Variants in AFF3 observed in about 807,000 individuals in gnomAD.
AFF3 encodes the protein AF4/FMR2 family member 3.
Under a neutral mutation model 129.7 loss-of-function variants are expected in AFF3, and 32 were observed. That is an observed-to-expected ratio of 0.25 (90% CI 0.19 to 0.33). AFF3 has a LOEUF of 0.33. AFF3 is among the 10% of genes least tolerant of loss of function. AFF3 has a pLI of 1.00. For synonymous variants in AFF3, 644 were observed against 635.4 expected (o/e 1.01, Z -0.20); for missense variants, 1,373 against 1,592.0 (o/e 0.86, Z 2.34).
chr2:99,702,671 C>A (rs958536326), intron 11 of AFF3, among the ~76,000 whole-genome samples: 4 of 152,190 alleles, frequency 2.6e-5, no homozygotes, highest in South Asian at 2.1e-4. Flanking sequence ...TAATGAAGTT[C>A]AGTATCTTTT....
chr2:100,096,465 TG>T (rs1345654187), intron 4 of AFF3, among the ~76,000 whole-genome samples: 1 of 152,014 alleles, frequency 6.6e-6, no homozygotes, highest in African/African-American at 2.4e-5. Context: ...TCAAGCTTTA[TG>T]GAACTGTACT....
chr2:99,611,357 T>C (rs1453782508), intron 13 of AFF3, among the ~76,000 whole-genome samples: 3 of 152,198 alleles, frequency 2.0e-5, no homozygotes, highest in Non-Finnish European at 4.4e-5. Context: ...GTTCTTGGTA[T>C]GATGAGTGAT....
chr2:99,569,096 C>A (rs1054215932), intron 18 of AFF3, among the ~76,000 whole-genome samples, 181 bp from the exon 19 acceptor site: 1 of 152,182 alleles, frequency 6.6e-6, no homozygotes, highest in Non-Finnish European at 1.5e-5. Context: ...TACATTTTCT[C>A]TTAAGTTAGC....
At chr2:100,139,187 G>A (rs60162095) in intron 1 of AFF3, among the ~76,000 whole-genome samples, 52 of 152,164 alleles carry the variant, frequency 3.4e-4, no homozygotes, top group African/African-American at 1.2e-3. Flanking sequence ...TTCAGGATGG[G>A]GAAAAGTAAA....
At chr2:99,598,734 T>C (rs763202762) in intron 14 of AFF3, among the ~76,000 whole-genome samples, 4 of 152,172 alleles carry the variant, frequency 2.6e-5, no homozygotes, top group Non-Finnish European at 4.4e-5. Context: ...CTGACTGTCA[T>C]GTGGGGTTCA....
intron 13 of AFF3, among the ~76,000 whole-genome samples, chr2:99,645,268 C>T (rs575421904): frequency 1.3e-4 from 20 of 152,256 alleles, no homozygotes; most frequent in Non-Finnish European, 2.5e-4. Flanking sequence ...GTCGAGGCTG[C>T]AGTGAGCTGT....
At chr2:99,704,398 C>G (rs555708558) in intron 11 of AFF3, among the ~76,000 whole-genome samples, 1 of 152,264 alleles carries the variant, frequency 6.6e-6, no homozygotes, top group Admixed American at 6.5e-5. Context: ...CCTGGAAGAC[C>G]TAGCACTACC....
chr2:99,733,583 T>C (rs114662561), intron 10 of AFF3, among the ~76,000 whole-genome samples: 101 of 152,296 alleles, frequency 6.6e-4, no homozygotes, highest in African/African-American at 1.9e-3. Context: ...TCTAAAAGTA[T>C]ATACTTTTAC....
chr2:99,602,961 C>T (rs1679978262), intron 13 of AFF3, among the ~76,000 whole-genome samples: 1 of 152,184 alleles, frequency 6.6e-6, no homozygotes, highest in Non-Finnish European at 1.5e-5. Context: ...CCTCTTGGAA[C>T]GGCAGGGTTA....
intron 8 of AFF3, among the ~76,000 whole-genome samples, chr2:99,778,889 TGTGTGCGC>T (rs769475926): frequency 0.02 from 756 of 37,912 alleles, 3 homozygotes; most frequent in African/African-American, 0.072. Flanking sequence ...TGTGTGTGTG[TGTGTGCGC>T]GTGTGTGTGT....
chr2:99,797,640 T>C (rs1685642848), intron 8 of AFF3, among the ~76,000 whole-genome samples: 1 of 151,928 alleles, frequency 6.6e-6, no homozygotes, highest in African/African-American at 2.4e-5. Context: ...ATCAAATTGC[T>C]CAAAACCAGT....
At chr2:100,137,461 C>T (rs995427285) in intron 1 of AFF3, among the ~76,000 whole-genome samples, 2 of 152,214 alleles carry the variant, frequency 1.3e-5, no homozygotes. Flanking sequence ...TTCCTCTGAG[C>T]CCCTAACTTA....
intron 8 of AFF3, among the ~76,000 whole-genome samples, chr2:99,797,440 T>G (rs1290860655): frequency 2.0e-5 from 3 of 152,088 alleles, no homozygotes; most frequent in Admixed American, 2.0e-4. Context: ...CAGAATGACT[T>G]CATGTGTGAT....
At chr2:100,044,623 C>G (rs551562413) in intron 4 of AFF3, among the ~76,000 whole-genome samples, 1 of 152,196 alleles carries the variant, frequency 6.6e-6, no homozygotes, top group South Asian at 2.1e-4. Context: ...GTGGGCTAGA[C>G]AGATGCTTGC....
intron 12 of AFF3, among the ~76,000 whole-genome samples, chr2:99,653,146 C>A (rs1246615581): frequency 6.6e-6 from 1 of 152,202 alleles, no homozygotes; most frequent in Non-Finnish European, 1.5e-5. Context: ...TCGCTTTAGG[C>A]CGCGATACTT....
At chr2:100,061,872 C>A (rs1264671054) in intron 4 of AFF3, among the ~76,000 whole-genome samples, 1 of 146,014 alleles carries the variant, frequency 6.8e-6, no homozygotes, top group African/African-American at 2.5e-5. Context: ...GGGGGGGTGC[C>A]GACTCTCAAG....
At chr2:99,715,449 T>C (rs1328796614) in intron 11 of AFF3, among the ~76,000 whole-genome samples, 2 of 152,154 alleles carry the variant, frequency 1.3e-5, no homozygotes, top group Non-Finnish European at 2.9e-5. Context: ...ACTTTCCATA[T>C]ATGAATTCCA....
rs1302580092 is a variant in AFF3 at position 99,798,344 on chromosome 2, T to C, written c.921+39133A>G. Among the ~76,000 whole-genome samples the C allele has an allele frequency of 8.6e-5, 13 of 152,000 alleles. 1 individual carries two copies. Among genetic ancestry groups the C allele is most frequent in the Admixed American group, 8.5e-4 (13 of 15,256 alleles). ...GGACAAGAGGAAAGGGCAATAATTA[T>C]TCAATTACATTAAATAATTGCATTC... On this transcript the variant is annotated intron_variant, in intron 8 of 24. Transcript: ENST00000672756.
intron 7 of AFF3, among the ~76,000 whole-genome samples, chr2:99,997,321 T>C (rs571641101): frequency 6.6e-6 from 1 of 152,328 alleles, no homozygotes; most frequent in South Asian, 2.1e-4. Context: ...CAGTTGATAG[T>C]AACTTCTTCC....
Sources: allele counts gnomAD v4.1 joint callset (sites outside exome capture counted in the v4.1 genomes callset), GRCh38; gene constraint gnomAD v4.1.1; transcripts MANE v1.5; gene names NCBI Gene and HGNC (gene_info 2026-07-23, HGNC 2026-07-21).